FILIP1: variants seen among roughly 807,000 people sequenced by gnomAD.
FILIP1 encodes filamin A interacting protein 1.
In FILIP1, 61 loss-of-function variants were observed where a neutral mutation model predicts 102.1. The observed-to-expected ratio is 0.60, with a 90% CI of 0.49 to 0.74. The LOEUF is 0.74. Ranked by LOEUF, FILIP1 falls within the 30% of genes least tolerant of loss-of-function variation. FILIP1 has a pLI of 0.00. For synonymous variants in FILIP1, 491 were observed against 526.9 expected, an observed-to-expected ratio of 0.93 and a Z score of 0.93; for missense variants, 1,314 against 1,441.2, an observed-to-expected ratio of 0.91 and a Z score of 1.43.
intron 1 of FILIP1, among the ~76,000 whole-genome samples, chr6:75,463,198 C>T (rs559862120): frequency 1.6e-4 from 25 of 152,294 alleles, no homozygotes; most frequent in African/African-American, 5.8e-4. Flanking sequence ...TCTCAGCGCA[C>T]AAAGTAAAGC....
intron 1 of FILIP1, among the ~76,000 whole-genome samples, chr6:75,418,666 G>C (rs1165203940): frequency 6.6e-6 from 1 of 151,808 alleles, no homozygotes; most frequent in Admixed American, 6.6e-5. Context: ...TTTTCTGAAA[G>C]AAGCCAAGAA....
chr6:75,319,123 C>A, intron 4 of FILIP1: 1 of 727,724 alleles, frequency 1.4e-6, no homozygotes, highest in Non-Finnish European at 2.5e-6. Flanking sequence ...CTTTTTCTTG[C>A]TTTTTTCAGA....
chr6:75,351,132 T>A (rs951805366), intron 4 of FILIP1, among the ~76,000 whole-genome samples: 1 of 152,130 alleles, frequency 6.6e-6, no homozygotes, highest in Non-Finnish European at 1.5e-5. Flanking sequence ...AATGACGCGA[T>A]CTTGGCTCAC....
chr6:75,403,717 C>A (rs562225385), intron 2 of FILIP1, among the ~76,000 whole-genome samples: 1 of 151,990 alleles, frequency 6.6e-6, no homozygotes, highest in Non-Finnish European at 1.5e-5. Flanking sequence ...TTAAGTAGCT[C>A]TAAAGATGAG....
chr6:75,305,602 G>A (rs115987699), downstream of FILIP1, among the ~76,000 whole-genome samples: 2,223 of 152,254 alleles, frequency 0.015, 42 homozygotes, highest in African/African-American at 0.05. Context: ...TAGCTCACAT[G>A]TAAAAAAATG....
exon 7 of FILIP1, chr6:75,293,796 G>T (rs1333598693): frequency 6.6e-6 from 1 of 152,068 alleles, no homozygotes; most frequent in Non-Finnish European, 1.5e-5. Flanking sequence ...AAATAATTTT[G>T]CCATCAGAGG....
At chr6:75,332,354 C>A (rs1774111897) in intron 4 of FILIP1, among the ~76,000 whole-genome samples, 1 of 152,186 alleles carries the variant, frequency 6.6e-6, no homozygotes, top group African/African-American at 2.4e-5. Context: ...ACTATTCTTT[C>A]TTTTTGATAA....
downstream of FILIP1, among the ~76,000 whole-genome samples, chr6:75,307,333 T>A (rs145361822): frequency 1.2e-3 from 183 of 152,338 alleles, no homozygotes; most frequent in African/African-American, 4.2e-3. Flanking sequence ...TACATCTTTT[T>A]TTTAAAGAAG....
intron 2 of FILIP1, among the ~76,000 whole-genome samples, chr6:75,363,253 C>G (rs566096000): frequency 1.3e-4 from 20 of 152,278 alleles, no homozygotes; most frequent in African/African-American, 3.8e-4. Context: ...TGTTCCAGTG[C>G]ACATGAGGTC....
intron 1 of FILIP1, among the ~76,000 whole-genome samples, chr6:75,429,170 A>AT (rs1034370438): frequency 6.6e-6 from 1 of 152,090 alleles, no homozygotes; most frequent in East Asian, 1.9e-4. Context: ...AAAAAGAAGA[A>AT]TTTTTAGTTC....
At chr6:75,395,130 T>C (rs1776416064) in intron 2 of FILIP1, among the ~76,000 whole-genome samples, 1 of 152,104 alleles carries the variant, frequency 6.6e-6, no homozygotes, top group African/African-American at 2.4e-5. Flanking sequence ...AAAAGGCTGA[T>C]TTCAGTACAA....
rs748875756 is a variant in FILIP1 at position 75,313,629 on chromosome 6, T to C, written c.2203A>G (p.Met735Val). 2.5e-6 allele frequency: 4 copies of C among 1,599,756 alleles called. No individual in the cohort carries two copies. The East Asian group carries it at 6.7e-5, about 27-fold the overall frequency. ...TGAGAAAGCTGATCTTCTTTGTTCATTAATTCGTGAATCTTCTCTTTAAGA... is the reference window on the plus strand; with the variant it reads ...TGAGAAAGCTGATCTTCTTTGTTCACTAATTCGTGAATCTTCTCTTTAAGA... Reference protein sequence around the residue: ...QALKEKIHELMNKEDQLSQLQ... With the variant: ...QALKEKIHELVNKEDQLSQLQ... Residue 735 changes from methionine to valine, a missense_variant, in exon 5 of 6, where the codon ATG (methionine) becomes GTG (valine). Transcript: ENST00000237172. The surrounding 1 kb of genome is among the most constrained non-coding windows in gnomAD (Gnocchi z 4.2).
chr6:75,309,715 C>A (rs1002356915), intron 5 of FILIP1, among the ~76,000 whole-genome samples: 8 of 152,140 alleles, frequency 5.3e-5, no homozygotes, highest in African/African-American at 1.9e-4. Flanking sequence ...GACAGCTAGT[C>A]CCCCTAAAGT....
At chr6:75,457,947 G>A (rs893125551) in intron 1 of FILIP1, among the ~76,000 whole-genome samples, 1 of 152,072 alleles carries the variant, frequency 6.6e-6, no homozygotes, top group Non-Finnish European at 1.5e-5. Flanking sequence ...CAATGGAGTG[G>A]AGGAGAGAGC....
chr6:75,448,174 A>G (rs1346314101), intron 1 of FILIP1, among the ~76,000 whole-genome samples: 2 of 152,068 alleles, frequency 1.3e-5, no homozygotes, highest in African/African-American at 4.8e-5. Flanking sequence ...CTGGGTGGTA[A>G]ACACACAGCA....
chr6:75,327,995 AC>A (rs1262395098), intron 4 of FILIP1, among the ~76,000 whole-genome samples: 2 of 152,190 alleles, frequency 1.3e-5, no homozygotes, highest in African/African-American at 4.8e-5. Flanking sequence ...CTGCTAAATG[AC>A]CTCATGATGA....
At chr6:75,358,055 T>C (rs2149607467) in intron 3 of FILIP1, among the ~76,000 whole-genome samples, 1 of 152,344 alleles carries the variant, frequency 6.6e-6, no homozygotes, top group Non-Finnish European at 1.5e-5. Context: ...GAAAATTGAA[T>C]GAGATAATCA....
chr6:75,400,244 T>C (rs1487656661), intron 2 of FILIP1, among the ~76,000 whole-genome samples: 1 of 152,148 alleles, frequency 6.6e-6, no homozygotes, highest in Non-Finnish European at 1.5e-5. Context: ...TGCAATACTT[T>C]AGAAAAAAAT....
intron 1 of FILIP1, among the ~76,000 whole-genome samples, chr6:75,464,318 T>A (rs1779106466): frequency 6.6e-6 from 1 of 152,234 alleles, no homozygotes; most frequent in Non-Finnish European, 1.5e-5. Flanking sequence ...TGGGTTTAAC[T>A]GCTAAAAATA....
Sources: gnomAD v4.1 joint callset for allele counts (sites outside exome capture counted in the v4.1 genomes callset) on GRCh38, gnomAD v4.1.1 for gene constraint, Gnocchi (gnomAD v3.1) non-coding constraint, MANE v1.5 for transcripts, NCBI Gene and HGNC (gene_info 2026-07-23, HGNC 2026-07-21) for gene names.